NSF: variants seen among roughly 807,000 people sequenced by gnomAD.
NSF encodes the protein N-ethylmaleimide sensitive factor, vesicle fusing ATPase.
In NSF, 14 loss-of-function variants were observed where a neutral mutation model predicts 50.3. The ratio of observed to expected loss-of-function variants is 0.28; its 90% confidence interval spans 0.18 to 0.44. The LOEUF (loss-of-function observed/expected upper bound fraction) is 0.44, where lower values mean the gene tolerates loss of function less well. Ranked by LOEUF, NSF falls within the 20% of genes least tolerant of loss-of-function variation. NSF has a pLI of 1.00. For synonymous variants in NSF, 109 were observed against 175.7 expected (o/e 0.62, Z 3.00); for missense variants, 218 against 504.3 (o/e 0.43, Z 5.44).
intron 15 of NSF, chr17:46,721,466 T>C: frequency 1.5e-6 from 1 of 681,328 alleles, no homozygotes; most frequent in Non-Finnish European, 2.6e-6. Context: ...AGACCCTATA[T>C]ATGTATGTTG....
At chr17:46,662,951 T>G (rs1455043389) in intron 8 of NSF, among the ~76,000 whole-genome samples, 1 of 145,336 alleles carries the variant, frequency 6.9e-6, no homozygotes, top group Non-Finnish European at 1.6e-5. Context: ...TCTTAATGCT[T>G]ATCTAGTTTA....
At chr17:46,711,151 T>A (rs1210037301) in intron 14 of NSF, 32 bp downstream of exon 14, 2 of 1,463,576 alleles carry the variant, frequency 1.4e-6, no homozygotes, top group Admixed American at 5.8e-5. Context: ...GCATTAAAAG[T>A]TAAAGGAAAA....
At chr17:46,609,198 GTGT>G (rs2057981247) in intron 1 of NSF, among the ~76,000 whole-genome samples, 1 of 148,286 alleles carries the variant, frequency 6.7e-6, no homozygotes, top group African/African-American at 2.6e-5. Flanking sequence ...GTTACCCTGG[GTGT>G]GTTCACTTGT....
At chr17:46,736,084 A>T (rs2059001477) in intron 17 of NSF, among the ~76,000 whole-genome samples, 1 of 152,210 alleles carries the variant, frequency 6.6e-6, no homozygotes, top group South Asian at 2.1e-4. Context: ...GGAATGCCTG[A>T]ACCCAACTTC....
chr17:46,722,076 C>G, intron 15 of NSF: 1 of 1,611,120 alleles, frequency 6.2e-7, no homozygotes, highest in South Asian at 1.1e-5. Flanking sequence ...GAGTTCATCT[C>G]CAGCTCCAGA....
At chr17:46,598,526 C>T (rs920694648) in intron 1 of NSF, among the ~76,000 whole-genome samples, 163 of 152,214 alleles carry the variant, frequency 1.1e-3, no homozygotes, top group Non-Finnish European at 2.0e-3. Context: ...TAGTCGAGGT[C>T]ATCTGTTTGG....
chr17:46,691,674 C>T (rs1260814399), intron 9 of NSF, among the ~76,000 whole-genome samples: 8 of 151,864 alleles, frequency 5.3e-5, no homozygotes, highest in Middle Eastern at 6.8e-3. Context: ...TCCTCAGTCT[C>T]ATTATGCTCA....
chr17:46,742,922 A>G (rs1170402080), intron 17 of NSF, among the ~76,000 whole-genome samples: 1 of 152,210 alleles, frequency 6.6e-6, no homozygotes, highest in East Asian at 1.9e-4. Context: ...TCCTATTTCA[A>G]GAATGAAGCC....
chr17:46,706,926 C>T (rs1296780124), intron 13 of NSF, among the ~76,000 whole-genome samples: 8 of 146,102 alleles, frequency 5.5e-5, no homozygotes, highest in South Asian at 2.3e-4. Flanking sequence ...TCTCAGCTCA[C>T]TGCAACCTCC....
chr17:46,736,917 A>C (rs2146311902), intron 17 of NSF, among the ~76,000 whole-genome samples: 1 of 152,366 alleles, frequency 6.6e-6, no homozygotes, highest in South Asian at 2.1e-4. Context: ...CATGCTCCCC[A>C]TCTAAACTTA....
chr17:46,747,425 C>T (rs987062209), intron 17 of NSF, among the ~76,000 whole-genome samples: 1 of 151,996 alleles, frequency 6.6e-6, no homozygotes, highest in Non-Finnish European at 1.5e-5. Context: ...GGACGACAGG[C>T]ATTTGCCACC....
intron 4 of NSF, among the ~76,000 whole-genome samples, chr17:46,631,061 T>TACGTACACACACAC (rs2058130645): frequency 8.1e-6 from 1 of 122,772 alleles, no homozygotes; most frequent in Non-Finnish European, 1.6e-5. Flanking sequence ...TCTCTCTCTG[T>TACGTACACACACAC]ACACACACAC....
At chr17:46,727,693 C>T (rs2058905147) in intron 16 of NSF, among the ~76,000 whole-genome samples, 1 of 152,106 alleles carries the variant, frequency 6.6e-6, no homozygotes, top group African/African-American at 2.4e-5. Flanking sequence ...GGGATGATTT[C>T]TTTAAAAGCT....
intron 9 of NSF, among the ~76,000 whole-genome samples, chr17:46,678,355 C>A (rs2058421695): frequency 1.2e-5 from 1 of 85,060 alleles, no homozygotes; most frequent in Non-Finnish European, 2.2e-5. Context: ...CTGAGAAAAT[C>A]AGTAAGTAAA....
At position 46,622,508 on chromosome 17, in the gene NSF, C is replaced by T. The variant is rs557411572; in HGVS notation, c.13-1736C>T. Among the ~76,000 whole-genome samples the T allele has an allele frequency of 1.8e-3, 269 of 149,302 alleles. 13 individuals carry two copies. The highest frequency in any genetic ancestry group is 6.5e-3 in the African/African-American group (257 of 39,758). ...TAGATAAATAAATGGTGTGGCTGGA[C>T]GCAGTGGCTCACGCCTGTAATCCTA... On this transcript the variant is annotated intron_variant, in intron 1 of 20. Coordinates refer to ENST00000398238, the MANE Select transcript of NSF (RefSeq NM_006178.4).
At chr17:46,730,048 C>T (rs1407373729) in intron 17 of NSF, among the ~76,000 whole-genome samples, 1 of 151,976 alleles carries the variant, frequency 6.6e-6, no homozygotes, top group East Asian at 1.9e-4. Context: ...TCTCTGATTC[C>T]TGCAATATTT....
At chr17:46,743,504 G>C (rs2059098240) in intron 17 of NSF, among the ~76,000 whole-genome samples, 1 of 152,238 alleles carries the variant, frequency 6.6e-6, no homozygotes, top group Non-Finnish European at 1.5e-5. Context: ...ATGCTGAGAA[G>C]TTAAATAATC....
intron 17 of NSF, among the ~76,000 whole-genome samples, chr17:46,729,941 G>A (rs2058932591): frequency 6.6e-6 from 1 of 152,034 alleles, no homozygotes; most frequent in Non-Finnish European, 1.5e-5. Flanking sequence ...ACTGTGGAAG[G>A]ATTTTTAAAT....
chr17:46,642,426 ATTCT>A (rs1408864713), intron 7 of NSF, among the ~76,000 whole-genome samples: 2 of 136,150 alleles, frequency 1.5e-5, no homozygotes, highest in African/African-American at 3.0e-5. Context: ...TACTTAATTT[ATTCT>A]TTGTTTGAAA....
Sources: allele counts gnomAD v4.1 joint callset (sites outside exome capture counted in the v4.1 genomes callset), GRCh38; gene constraint gnomAD v4.1.1; transcripts MANE v1.5; gene names NCBI Gene and HGNC (gene_info 2026-07-23, HGNC 2026-07-21).